The following ZNF787 variants were observed in gnomAD, a reference collection of about 807,000 sequenced individuals.
ZNF787 encodes the protein zinc finger protein 787, also known as TTF-I-interacting peptide 20.
In ZNF787, 7 loss-of-function variants were observed where a neutral mutation model predicts 16.9. That is an observed-to-expected ratio of 0.42 (90% CI 0.24 to 0.78). ZNF787 has a LOEUF of 0.78. Ranked by LOEUF, ZNF787 falls within the 30% of genes least tolerant of loss-of-function variation. The pLI is 0.30. For synonymous variants in ZNF787, 345 were observed against 270.9 expected (o/e 1.27, Z -2.69); for missense variants, 551 against 589.3 (o/e 0.94, Z 0.67).
At chr19:56,114,716 T>C (rs565025998) in intron 1 of ZNF787, among the ~76,000 whole-genome samples, 4 of 152,212 alleles carry the variant, frequency 2.6e-5, no homozygotes, top group African/African-American at 9.6e-5. Context: ...CTTCTATTGG[T>C]ATTTCCTTCC....
At position 56,088,008 on chromosome 19, in the gene ZNF787, C is replaced by T; in HGVS notation, c.*15G>A. The T allele has an allele frequency of 1.7e-6, 2 of 1,209,328 alleles. No homozygotes were observed. Among genetic ancestry groups the T allele is most frequent in the Non-Finnish European group, 1.0e-6 (1 of 970,052 alleles). 74.9% of individuals were successfully genotyped at this position (1,209,328 alleles called of 1,614,324 possible). On this transcript the variant is annotated 3_prime_UTR_variant, in exon 3 of 3. Transcript: ENST00000610935. The surrounding 1 kb of genome is among the most constrained non-coding windows in gnomAD (Gnocchi z 8.6). ...CCCGAGGGGCCCTGCCCGCCCCCCC[C>T]CCCGGGCCCCTCCCCTACCGGCCCT...
At chr19:56,100,147 G>A (rs551256708) in intron 2 of ZNF787, among the ~76,000 whole-genome samples, 1 of 152,302 alleles carries the variant, frequency 6.6e-6, no homozygotes, top group African/African-American at 2.4e-5. Context: ...GGGCCCGCTG[G>A]TCCACGGCAT....
intron 2 of ZNF787, among the ~76,000 whole-genome samples, chr19:56,089,859 G>C (rs1415566722): frequency 6.6e-6 from 1 of 152,168 alleles, no homozygotes; most frequent in African/African-American, 2.4e-5. Context: ...TTCTGCACCA[G>C]GCCTGCCCCT....
chr19:56,088,620 G>A lies in ZNF787; in HGVS notation c.552C>T (p.Gly184=), dbSNP rs1269468322. The part of the protein sequence containing the change: ...GLKPFVCPRC[G]RGFSQPKSLA... ...GGCTCTTGGGCTGGCTGAAGCCGCGGCCGCAGCGCGGGCACACGAAGGGCT... is the reference window on the plus strand; with the variant it reads ...GGCTCTTGGGCTGGCTGAAGCCGCGACCGCAGCGCGGGCACACGAAGGGCT... Residue 184 remains glycine (G), a synonymous_variant, in exon 3 of 3, where the codon GGC becomes GGT. Coordinates refer to ENST00000610935, the MANE Select transcript of ZNF787 (RefSeq NM_001002836.4). This position sits in a 1 kb window ranked among gnomAD's most constrained non-coding sequence, Gnocchi z 8.6. 2.0e-6 allele frequency: 3 copies of A among 1,523,694 alleles called. No homozygotes were observed. In the Admixed American group the frequency reaches 6.3e-5, roughly 32 times the overall value. 94.4% of individuals were successfully genotyped at this position (1,523,694 alleles called of 1,614,324 possible). A position where few individuals can be genotyped will look rare whatever the true frequency, so the allele number is the denominator to read the frequency against.
chr19:56,102,816 G>C, intron 2 of ZNF787: 3 of 683,520 alleles, frequency 4.4e-6, no homozygotes, highest in Non-Finnish European at 8.0e-6. Flanking sequence ...GCGGGGCTGT[G>C]GGGAGAGGAA....
intron 1 of ZNF787, among the ~76,000 whole-genome samples, chr19:56,116,624 C>A (rs1443417788): frequency 2.0e-5 from 3 of 152,006 alleles, no homozygotes; most frequent in African/African-American, 7.3e-5. Flanking sequence ...AAAAAAGACA[C>A]ACACACACAC....
intron 2 of ZNF787, among the ~76,000 whole-genome samples, chr19:56,096,850 C>A (rs1985893253): frequency 6.6e-6 from 1 of 152,204 alleles, no homozygotes; most frequent in South Asian, 2.1e-4. Flanking sequence ...TTCCTGTTGG[C>A]ACCGCTCCCT....
chr19:56,111,332 C>T (rs529291), intron 1 of ZNF787, among the ~76,000 whole-genome samples: 20,607 of 152,006 alleles, frequency 0.14, 1,895 homozygotes, highest in African/African-American at 0.27. Context: ...GCTCCGTGCT[C>T]AGCAGCTGCT....
At chr19:56,105,000 G>A (rs1986246647) in intron 1 of ZNF787, among the ~76,000 whole-genome samples, 1 of 152,018 alleles carries the variant, frequency 6.6e-6, no homozygotes, top group Non-Finnish European at 1.5e-5. Context: ...TGGTGGCAGG[G>A]GCCTGTAATC....
intron 1 of ZNF787, among the ~76,000 whole-genome samples, chr19:56,113,645 AC>A (rs2030045916): frequency 6.6e-6 from 1 of 151,380 alleles, no homozygotes; most frequent in African/African-American, 2.4e-5. Flanking sequence ...CAAGAGGCAC[AC>A]CCCGGGAAAG....
chr19:56,107,245 G>A (rs1191650674), intron 1 of ZNF787, among the ~76,000 whole-genome samples: 1 of 152,208 alleles, frequency 6.6e-6, no homozygotes, highest in African/African-American at 2.4e-5. Flanking sequence ...GGGGAGAAGG[G>A]AAAGGCTGGA....
chr19:56,106,998 C>T (rs1053346857), intron 1 of ZNF787, among the ~76,000 whole-genome samples: 20 of 152,190 alleles, frequency 1.3e-4, no homozygotes, highest in African/African-American at 4.8e-4. Context: ...TCACGAAGGG[C>T]CTGAGAGTCT....
Position 56,102,739 on chromosome 19 carries a change from A to G in ZNF787, c.79+400T>C, listed in dbSNP as rs1306038134. 1.7e-5 allele frequency: 10 copies of G among 596,060 alleles called. No homozygotes were observed. In the Admixed American group the frequency reaches 2.4e-4, roughly 14 times the overall value. 36.9% of individuals were successfully genotyped at this position (596,060 alleles called of 1,614,324 possible). A position where few individuals can be genotyped will look rare whatever the true frequency, so the allele number is the denominator to read the frequency against. Reference sequence around the variant, plus strand: ...GCGCTCCTGGGCCACCCCTGGTGTAAGGAGTTTCCTGCCAGGGAGGGCCAC... The same window carrying G: ...GCGCTCCTGGGCCACCCCTGGTGTAGGGAGTTTCCTGCCAGGGAGGGCCAC... On this transcript the variant is annotated intron_variant, in intron 2 of 2. Coordinates refer to ENST00000610935, the MANE Select transcript of ZNF787 (RefSeq NM_001002836.4).
In ZNF787 at chr19:56,088,737, C is replaced by T. The variant is rs752591573; in HGVS notation, c.435G>A (p.Thr145=). Reference sequence around the variant, plus strand: ...CGGGGCAGGTGTAGGGCTTCTCGCCCGTGTGGATGCGCTGGTGCTGCATGA... The same window carrying T: ...CGGGGCAGGTGTAGGGCTTCTCGCCTGTGTGGATGCGCTGGTGCTGCATGA... The part of the protein sequence containing the change: ...SNLMQHQRIH[T]GEKPYTCPDC... Residue 145 remains threonine, a synonymous_variant, in exon 3 of 3, where the codon ACG becomes ACA. Coordinates refer to ENST00000610935, the MANE Select transcript of ZNF787 (RefSeq NM_001002836.4). This position sits in a 1 kb window ranked among gnomAD's most constrained non-coding sequence, Gnocchi z 8.6. The T allele has an allele frequency of 1.9e-5, 31 of 1,610,096 alleles. No homozygotes were observed. The Admixed American group carries it at 4.4e-4, about 23-fold the overall frequency.
chr19:56,090,037 AG>A (rs1322977473), intron 2 of ZNF787, among the ~76,000 whole-genome samples: 5 of 152,148 alleles, frequency 3.3e-5, no homozygotes, highest in African/African-American at 1.2e-4. Context: ...TGGACACCCC[AG>A]GTGCACCCCA....
chr19:56,088,189 T>C lies in ZNF787; in HGVS notation c.983A>G (p.Gln328Arg), dbSNP rs756935897. ...ICVECGEGFVQGAALRRHKKI... is the reference protein window; with the variant it reads ...ICVECGEGFVRGAALRRHKKI... ...CTTGTGTCTCCGGAGCGCGGCGCCC[T>C]GCACGAAGCCCTCCCCGCACTCCAC... The change falls in exon 3 of 3, where the codon CAG becomes CGG. Residue 328 changes from glutamine (Q) to arginine (R), a missense_variant. Around this residue, in one of 4 missense-constraint regions of ZNF787, gnomAD observed 392 missense variants for 312.7 expected, o/e 1.25. Coordinates refer to ENST00000610935, the MANE Select transcript of ZNF787 (RefSeq NM_001002836.4). This position sits in a 1 kb window ranked among gnomAD's most constrained non-coding sequence, Gnocchi z 8.6. The C allele has an allele frequency of 1.9e-6, 3 of 1,541,452 alleles. No individual in the cohort carries two copies. The highest frequency in any genetic ancestry group is 2.6e-6 in the Non-Finnish European group (3 of 1,150,158).
Position 56,088,911 on chromosome 19 carries a change from C to G in ZNF787, c.261G>C (p.Thr87=), listed in dbSNP as rs750101073. Residue 87 remains threonine, a synonymous_variant, in exon 3 of 3, where the codon ACG becomes ACC. Transcript: ENST00000610935. The surrounding 1 kb of genome is among the most constrained non-coding windows in gnomAD (Gnocchi z 8.6). ...HWSKLTRHQR[T]HTGERPNACA... is the part of the protein sequence containing the mutation. ...AGGCGTTGGGCCGCTCGCCGGTGTG[C>G]GTGCGCTGGTGCCGCGTCAGCTTGG... The G allele has an allele frequency of 3.8e-6, 6 of 1,596,150 alleles. No homozygotes were observed. The highest frequency in any genetic ancestry group is 5.1e-6 in the Non-Finnish European group (6 of 1,171,050).
chr19:56,118,616 T>A (rs2030203291), intron 1 of ZNF787, among the ~76,000 whole-genome samples: 1 of 152,116 alleles, frequency 6.6e-6, no homozygotes, highest in Admixed American at 6.5e-5. Context: ...TTTAGGACAG[T>A]GAGGACCAGG....
At chr19:56,106,310 C>T (rs983272260) in intron 1 of ZNF787, among the ~76,000 whole-genome samples, 1 of 152,238 alleles carries the variant, frequency 6.6e-6, no homozygotes, top group Non-Finnish European at 1.5e-5. Context: ...GTACGGCGGC[C>T]ACAGTGGTCC....
Sources: gnomAD v4.1 joint callset for allele counts (sites outside exome capture counted in the v4.1 genomes callset) on GRCh38, gnomAD v4.1.1 for gene constraint, gnomAD v4.1.1 regional missense constraint, Gnocchi (gnomAD v3.1) non-coding constraint, MANE v1.5 for transcripts, NCBI Gene and HGNC (gene_info 2026-07-23, HGNC 2026-07-21) for gene names.